The following SEC31A variants were observed in gnomAD, a reference collection of about 807,000 sequenced individuals.
The protein encoded by SEC31A is protein transport protein Sec31A.
A neutral mutation model predicts 151.0 loss-of-function variants in SEC31A; 70 were observed. The ratio of observed to expected loss-of-function variants is 0.46; its 90% CI spans 0.38 to 0.57. SEC31A has a LOEUF of 0.57. Among genes scored for constraint, SEC31A ranks in the 20% least tolerant of loss-of-function variants. The probability of loss-of-function intolerance (pLI) is 0.00; values close to 1 mark genes in which losing one functional copy is unlikely to be tolerated. For synonymous variants in SEC31A, 475 were observed against 505.9 expected (o/e 0.94, Z 0.82); for missense variants, 1,330 against 1,471.2 (o/e 0.90, Z 1.57).
At chr4:82,857,253 G>T in intron 15 of SEC31A, 123 bp from the exon 16 acceptor site, 1 of 760,972 alleles carries the variant, frequency 1.3e-6, no homozygotes, top group Non-Finnish European at 2.1e-6. Flanking sequence ...ACTAATTTCT[G>T]ATTACTAGTG....
At chr4:82,885,239 G>A (rs1165739637) in intron 1 of SEC31A, among the ~76,000 whole-genome samples, 1 of 152,036 alleles carries the variant, frequency 6.6e-6, no homozygotes, top group Non-Finnish European at 1.5e-5. Flanking sequence ...GGTTAGCTAA[G>A]GACATTTAAA....
chr4:82,871,907 TAAAC>T (rs1736765708), intron 7 of SEC31A, 33 bp downstream of exon 7: 2 of 1,613,354 alleles, frequency 1.2e-6, no homozygotes, highest in South Asian at 1.1e-5. Flanking sequence ...GTTCAGAAAA[TAAAC>T]AAATCAAGTT....
chr4:82,892,653 A>C (rs753929543), upstream of SEC31A, among the ~76,000 whole-genome samples: 15 of 152,268 alleles, frequency 9.9e-5, no homozygotes, highest in Non-Finnish European at 1.2e-4. Context: ...TGCATGAACT[A>C]AACAGATGAT....
At chr4:82,829,124 G>A (rs1045377024) in intron 22 of SEC31A, 66 bp from the exon 23 acceptor site, 6 of 1,319,522 alleles carry the variant, frequency 4.5e-6, no homozygotes, top group South Asian at 1.2e-5. Flanking sequence ...AAACTGAATC[G>A]ATCACCTAAT....
chr4:82,884,364 C>T (rs896734103), intron 1 of SEC31A, among the ~76,000 whole-genome samples: 1 of 151,990 alleles, frequency 6.6e-6, no homozygotes, highest in African/African-American at 2.4e-5. Context: ...AATTTCTTTT[C>T]ACCTTTCATA....
intron 22 of SEC31A, 137 bp from the exon 23 acceptor site, chr4:82,829,195 G>C: frequency 1.5e-6 from 1 of 662,468 alleles, no homozygotes; most frequent in Admixed American, 2.4e-5. Context: ...AGCCGAGTGT[G>C]GGGATCACTA....
chr4:82,835,354 A>G (rs910752169), intron 22 of SEC31A, among the ~76,000 whole-genome samples: 2 of 152,232 alleles, frequency 1.3e-5, no homozygotes, highest in Admixed American at 6.5e-5. Context: ...CTTGAACAGA[A>G]ATGTTTCAGA....
chr4:82,853,947 T>C (rs1041838220), intron 17 of SEC31A, among the ~76,000 whole-genome samples: 3 of 152,238 alleles, frequency 2.0e-5, no homozygotes, highest in Admixed American at 2.0e-4. Flanking sequence ...ACTGTACAAC[T>C]AATTTTTATT....
In SEC31A at chr4:82,853,554, G is replaced by A. The variant is rs769287136; in HGVS notation, c.2154+16C>T. Reference sequence around the variant, plus strand: ...CAACACTAAAAATTAAGTGCCTTTTGTTTCAAAGATACTACCTGAAGTGAC... The same window carrying A: ...CAACACTAAAAATTAAGTGCCTTTTATTTCAAAGATACTACCTGAAGTGAC... On this transcript the variant is annotated intron_variant, in intron 18 of 26. Transcript: ENST00000395310. 1.3e-6 allele frequency: 2 copies of A among 1,546,676 alleles called. No homozygotes were observed. The highest frequency in any genetic ancestry group is 1.7e-6 in the Non-Finnish European group (2 of 1,157,502).
chr4:82,826,599 C>T (rs1489338958), intron 24 of SEC31A, among the ~76,000 whole-genome samples: 1 of 152,242 alleles, frequency 6.6e-6, no homozygotes, highest in Non-Finnish European at 1.5e-5. Flanking sequence ...GTGATCCACC[C>T]GCCTCGGCTT....
intron 1 of SEC31A, 69 bp downstream of exon 1, chr4:82,891,019 T>C (rs1032993760): frequency 5.9e-6 from 9 of 1,528,310 alleles, no homozygotes; most frequent in Non-Finnish European, 7.9e-6. Flanking sequence ...GCGGTCCCAG[T>C]TTTGGCCTGG....
At chr4:82,896,312 G>A (rs1720055229) in intron 3 of SEC31A, among the ~76,000 whole-genome samples, 1 of 152,116 alleles carries the variant, frequency 6.6e-6, no homozygotes, top group African/African-American at 2.4e-5. Flanking sequence ...CCACCTCCTG[G>A]GTTCAAGTGG....
chr4:82,829,119 G>C lies in SEC31A; in HGVS notation c.2969-61C>G, dbSNP rs1725329082. 14 of 1,366,526 alleles carry C rather than the reference G, an allele frequency of 1.0e-5. No individual in the cohort carries two copies. The South Asian group carries it at 1.3e-4, about 13-fold the overall frequency. The allele number at this position is 1,366,526 out of a possible 1,614,324, so 84.7% of individuals were successfully genotyped here. On this transcript the variant is annotated intron_variant, in intron 22 of 26. Transcript: ENST00000395310. ...TCCTGAAAGGAAAAAAAATAAAACT[G>C]AATCGATCACCTAATACTTCAAAAT...
chr4:82,884,395 A>C (rs1006460467), intron 1 of SEC31A, among the ~76,000 whole-genome samples: 1 of 152,222 alleles, frequency 6.6e-6, no homozygotes, highest in African/African-American at 2.4e-5. Context: ...TAAAAATAAA[A>C]AAAGCTATAT....
chr4:82,870,281 ATACTATAAGGGC>A, intron 8 of SEC31A, 32 bp downstream of exon 8: 1 of 1,444,448 alleles, frequency 6.9e-7, no homozygotes, highest in South Asian at 1.2e-5. Context: ...CAGAAGTAAC[ATACTATAAGGGC>A]TACAAGGTTG....
chr4:82,832,989 C>T (rs1253045033), intron 22 of SEC31A, among the ~76,000 whole-genome samples: 1 of 152,186 alleles, frequency 6.6e-6, no homozygotes, highest in East Asian at 1.9e-4. Flanking sequence ...TTGTGGAAGA[C>T]AGTGTGGCGA....
Position 82,821,018 on chromosome 4 carries a change from C to A in SEC31A, c.3483+19G>T. The A allele has an allele frequency of 6.3e-7, 1 of 1,594,638 alleles. No individual in the cohort carries two copies. Among genetic ancestry groups the A allele is most frequent in the Non-Finnish European group, 8.6e-7 (1 of 1,163,384 alleles). On this transcript the variant is annotated intron_variant, in intron 26 of 26. Coordinates refer to ENST00000395310, the MANE Select transcript of SEC31A (RefSeq NM_001077207.4). ...TAGGAATAAATGATTATCATAAATCCTTTTCCTCCAAAACTTACTGTCTGT... is the reference window on the plus strand; with the variant it reads ...TAGGAATAAATGATTATCATAAATCATTTTCCTCCAAAACTTACTGTCTGT...
At chr4:82,857,178 C>T (rs1330376929) in intron 15 of SEC31A, 48 bp from the exon 16 acceptor site, 1 of 1,512,140 alleles carries the variant, frequency 6.6e-7, no homozygotes, top group Non-Finnish European at 9.1e-7. Flanking sequence ...TTTTTGTTAC[C>T]AAAACCAACA....
intron 1 of SEC31A, among the ~76,000 whole-genome samples, chr4:82,887,386 T>C (rs192978672): frequency 2.6e-4 from 31 of 119,826 alleles, no homozygotes; most frequent in African/African-American, 7.4e-4. Flanking sequence ...TAAGAAAACA[T>C]TGAGAAAAGA....
Sources: gnomAD v4.1 joint callset for allele counts (sites outside exome capture counted in the v4.1 genomes callset) on GRCh38, gnomAD v4.1.1 for gene constraint, MANE v1.5 for transcripts, NCBI Gene and HGNC (gene_info 2026-07-23, HGNC 2026-07-21) for gene names.